PHACTR2: variants seen among roughly 807,000 people sequenced by gnomAD.
PHACTR2 encodes phosphatase and actin regulator 2.
A neutral mutation model predicts 76.0 loss-of-function variants in PHACTR2; 30 were observed. The observed-to-expected ratio is 0.39, with a 90% CI of 0.30 to 0.54. The LOEUF (loss-of-function observed/expected upper bound fraction) is 0.54, where lower values mean the gene tolerates loss of function less well. Ranked by LOEUF, PHACTR2 falls within the 20% of genes least tolerant of loss-of-function variation. The probability of loss-of-function intolerance (pLI) is 0.61; values close to 1 mark genes in which losing one functional copy is unlikely to be tolerated. For missense variants in PHACTR2, 696 were observed against 781.1 expected, an observed-to-expected ratio of 0.89 and a Z score of 1.30; for synonymous variants, 292 against 292.5, an observed-to-expected ratio of 1.00 and a Z score of 0.02.
rs1777467390 is a variant in PHACTR2 at position 143,684,408 on chromosome 6, C to T, written c.46+6199C>T. ...TCAGCAGGTCTTGTTCTTTTTTCTT[C>T]CCAAATATATCTCAAGTCCATGCTC... On this transcript the variant is annotated intron_variant, in intron 1 of 12. Transcript: ENST00000440869. This position sits in a 1 kb window ranked among gnomAD's most constrained non-coding sequence, Gnocchi z 4.3. 6.6e-6 allele frequency among the ~76,000 whole-genome samples: 1 copy of T among 152,146 alleles called. No homozygotes were observed. The highest frequency in any genetic ancestry group is 2.4e-5 in the African/African-American group (1 of 41,428).
chr6:143,712,256 A>C, intron 2 of PHACTR2, 73 bp downstream of exon 2: 1 of 1,050,008 alleles, frequency 9.5e-7, no homozygotes, highest in Admixed American at 3.0e-5. Context: ...ATTATGTTTT[A>C]CAGTGTGTTT....
intron 2 of PHACTR2, among the ~76,000 whole-genome samples, chr6:143,737,887 G>T (rs1778854885): frequency 6.6e-6 from 1 of 152,130 alleles, no homozygotes; most frequent in African/African-American, 2.4e-5. Flanking sequence ...TAGGCAAGAT[G>T]GTAGGTAGTG....
rs202166197 is a variant in PHACTR2 at position 143,765,616 on chromosome 6, T to A, written c.1050T>A (p.Pro350=). The change falls in exon 6 of 13, where the codon CCT becomes CCA. Residue 350 remains proline, a synonymous_variant. Transcript: ENST00000440869. The surrounding 1 kb of genome is among the most constrained non-coding windows in gnomAD (Gnocchi z 4.1). ...VAPAPSPLAP[P]LPLEDQCITA... ...CAGCACCTTCTCCTCTGGCCCCCCC[T>A]CTCCCTCTTGAGGATCAGTGCATTA... 6.2e-7 allele frequency: 1 copy of A among 1,613,830 alleles called. No homozygotes were observed. Among genetic ancestry groups the A allele is most frequent in the South Asian group, 1.1e-5 (1 of 91,072 alleles).
At chr6:143,778,945 C>A (rs1025655646) in intron 9 of PHACTR2, among the ~76,000 whole-genome samples, 1 of 152,116 alleles carries the variant, frequency 6.6e-6, no homozygotes, top group African/African-American at 2.4e-5. Context: ...GCCTTTATAT[C>A]CCATTTTCCT....
chr6:143,644,341 G>C (rs576036177), intron 1 of PHACTR2, among the ~76,000 whole-genome samples: 1 of 151,798 alleles, frequency 6.6e-6, no homozygotes, highest in African/African-American at 2.4e-5. Context: ...GGTGGCGGGC[G>C]CTTGTAGTCC....
rs2128446517 is a variant in PHACTR2, at chr6:143,652,738, G to T, written c.13+44416G>T. ...GAAACAGTGACATTCACACCCAGGG[G>T]CTGAAATAAGGCGGAATGCCCACCT... On this transcript the variant is annotated intron_variant, in intron 1 of 11. Transcript: ENST00000305766. The surrounding 1 kb of genome is among the most constrained non-coding windows in gnomAD (Gnocchi z 4.5). 6.6e-6 allele frequency among the ~76,000 whole-genome samples: 1 copy of T among 152,328 alleles called. No homozygotes were observed. Among genetic ancestry groups the T allele is most frequent in the South Asian group, 2.1e-4 (1 of 4,830 alleles).
upstream of PHACTR2, among the ~76,000 whole-genome samples, chr6:143,607,483 A>C (rs1482332349): frequency 6.6e-6 from 1 of 152,188 alleles, no homozygotes; most frequent in East Asian, 1.9e-4. Context: ...TGATCTTCAC[A>C]TTTCTTTAGC....
rs183615923 is a variant in PHACTR2, at chr6:143,591,780, G to A, written c.217+54573G>A. 6.6e-6 allele frequency among the ~76,000 whole-genome samples: 1 copy of A among 152,302 alleles called. No individual in the cohort carries two copies. The highest frequency in any genetic ancestry group is 1.9e-4 in the East Asian group (1 of 5,170). The stretch of plus-strand genomic sequence containing the variant: ...TCCTCCAATTATCCATCTCTCCCAG[G>A]GTAGGGAATGTGGAGCCACCTGGAA... On this transcript the variant is annotated intron_variant, in intron 1 of 11. Transcript: ENST00000367584. This position sits in a 1 kb window ranked among gnomAD's most constrained non-coding sequence, Gnocchi z 6.4.
chr6:143,612,143 T>C (rs1218562943), intron 1 of PHACTR2, among the ~76,000 whole-genome samples: 1 of 152,184 alleles, frequency 6.6e-6, no homozygotes, highest in Non-Finnish European at 1.5e-5. Flanking sequence ...CTGCCTCCTC[T>C]CCCTCCAGTC....
chr6:143,701,746 C>G (rs1777917078), intron 1 of PHACTR2, among the ~76,000 whole-genome samples: 1 of 152,110 alleles, frequency 6.6e-6, no homozygotes, highest in African/African-American at 2.4e-5. Flanking sequence ...GCAACTACTT[C>G]GCAGGGTTGT....
intron 2 of PHACTR2, among the ~76,000 whole-genome samples, chr6:143,713,055 T>G (rs1384243356): frequency 6.6e-6 from 1 of 152,200 alleles, no homozygotes; most frequent in East Asian, 1.9e-4. Flanking sequence ...AATTCCTCAC[T>G]GCACCACAGT....
chr6:143,773,993 GT>G (rs1385890063), intron 7 of PHACTR2, 65 bp from the exon 8 acceptor site: 3 of 1,413,790 alleles, frequency 2.1e-6, no homozygotes, highest in Non-Finnish European at 3.0e-6. Flanking sequence ...TCCATGCCAT[GT>G]GTAACCTGAG....
rs1775085881 is a variant in PHACTR2, at chr6:143,550,885, A to G, written c.217+13678A>G. Reference sequence around the variant, plus strand: ...GAAACCCCATCTCTAGAAAAAATACAAAAATTAGCTGAGTGTGGTGGCATG... The same window carrying G: ...GAAACCCCATCTCTAGAAAAAATACGAAAATTAGCTGAGTGTGGTGGCATG... On this transcript the variant is annotated intron_variant, in intron 1 of 11. Coordinates refer to the PHACTR2 transcript ENST00000367584. The surrounding 1 kb of genome is among the most constrained non-coding windows in gnomAD (Gnocchi z 4.8). Among the ~76,000 whole-genome samples the G allele has an allele frequency of 6.6e-6, 1 of 151,996 alleles. No homozygotes were observed. Among genetic ancestry groups the G allele is most frequent in the African/African-American group, 2.4e-5 (1 of 41,416 alleles).
intron 11 of PHACTR2, among the ~76,000 whole-genome samples, chr6:143,790,957 G>A (rs1196698227): frequency 6.6e-6 from 1 of 152,296 alleles, no homozygotes; most frequent in East Asian, 1.9e-4. Flanking sequence ...GATTACAGGC[G>A]TGAGCCATGG....
At position 143,822,276 on chromosome 6, in the gene PHACTR2, C is replaced by T. The variant is rs1776437919; in HGVS notation, c.1923-1398C>T. Reference sequence around the variant, plus strand: ...TCCTGGACTCAAGGCTGTCCTCCCACCTCAACCTCCCAAGCAGCTGGGATT... The same window carrying T: ...TCCTGGACTCAAGGCTGTCCTCCCATCTCAACCTCCCAAGCAGCTGGGATT... On this transcript the variant is annotated intron_variant, in intron 12 of 12. Coordinates refer to ENST00000440869, the MANE Select transcript of PHACTR2 (RefSeq NM_001100164.2). This position sits in a 1 kb window ranked among gnomAD's most constrained non-coding sequence, Gnocchi z 5.5. Among the ~76,000 whole-genome samples, 1 of 152,168 alleles carries T rather than the reference C, an allele frequency of 6.6e-6. No individual in the cohort carries two copies.
rs759891601 is a variant in PHACTR2, at chr6:143,591,630, G to T, written c.217+54423G>T. ...GTGACCTCCATGAACCTCTTGCCTAGGGCTGTGAAGGCCAAATGGAATTGA... is the reference window on the plus strand; with the variant it reads ...GTGACCTCCATGAACCTCTTGCCTATGGCTGTGAAGGCCAAATGGAATTGA... On this transcript the variant is annotated intron_variant, in intron 1 of 11. Coordinates refer to the PHACTR2 transcript ENST00000367584. This position sits in a 1 kb window ranked among gnomAD's most constrained non-coding sequence, Gnocchi z 6.4. Among the ~76,000 whole-genome samples, 3 of 152,208 alleles carry T rather than the reference G, an allele frequency of 2.0e-5. No homozygotes were observed. Among genetic ancestry groups the T allele is most frequent in the Non-Finnish European group, 2.9e-5 (2 of 68,042 alleles).
rs1331841431 is a variant in PHACTR2 at position 143,554,304 on chromosome 6, TA to T, written c.217+17103del. On this transcript the variant is annotated intron_variant, in intron 1 of 11. Transcript: ENST00000367584. The surrounding 1 kb of genome is among the most constrained non-coding windows in gnomAD (Gnocchi z 5.9). Reference sequence around the variant, plus strand: ...GTCTTTACCTCCAACAATTTGCTGTTAAAAAATTATTCGATGACACTTGTTC... The same window carrying T: ...GTCTTTACCTCCAACAATTTGCTGTTAAAAATTATTCGATGACACTTGTTC... 1.3e-5 allele frequency: 2 copies of T among 152,116 alleles called. No individual in the cohort carries two copies. The highest frequency in any genetic ancestry group is 2.4e-5 in the African/African-American group (1 of 41,422). 9.4% of individuals were successfully genotyped at this position (152,116 alleles called of 1,614,324 possible). A position where few individuals can be genotyped will look rare whatever the true frequency, so the allele number is the denominator to read the frequency against.
At chr6:143,721,246 G>C (rs1242428539) in intron 2 of PHACTR2, among the ~76,000 whole-genome samples, 1 of 152,146 alleles carries the variant, frequency 6.6e-6, no homozygotes, top group African/African-American at 2.4e-5. Context: ...TTAACTTACA[G>C]ACTGGTGGTG....
chr6:143,572,910 A>G (rs1273931925), intron 1 of PHACTR2, among the ~76,000 whole-genome samples: 2 of 152,210 alleles, frequency 1.3e-5, no homozygotes, highest in African/African-American at 4.8e-5. Flanking sequence ...ATCTATTATC[A>G]TCAAATTCTA....
Sources: allele counts gnomAD v4.1 joint callset (sites outside exome capture counted in the v4.1 genomes callset), GRCh38; gene constraint gnomAD v4.1.1; non-coding constraint Gnocchi (gnomAD v3.1); transcripts MANE v1.5; gene names NCBI Gene and HGNC (gene_info 2026-07-23, HGNC 2026-07-21).